The following MOV10L1 variants were observed in gnomAD, a reference collection of about 807,000 sequenced individuals.
MOV10L1 encodes the protein RNA helicase Mov10l1.
Under a neutral mutation model 143.8 loss-of-function variants are expected in MOV10L1, and 110 were observed. The ratio of observed to expected loss-of-function variants is 0.76; its 90% CI spans 0.66 to 0.90. The LOEUF is 0.90. Ranked by LOEUF, MOV10L1 falls within the 40% of genes least tolerant of loss-of-function variation. The probability of loss-of-function intolerance (pLI) is 0.00; values close to 1 mark genes in which losing one functional copy is unlikely to be tolerated. For missense variants in MOV10L1, 1,406 were observed against 1,526.8 expected, an observed-to-expected ratio of 0.92 and a Z score of 1.32; for synonymous variants, 593 against 581.1, an observed-to-expected ratio of 1.02 and a Z score of -0.29.
intron 19 of MOV10L1, among the ~76,000 whole-genome samples, chr22:50,147,959 T>C (rs2063196613): frequency 1.3e-5 from 2 of 152,212 alleles, no homozygotes; most frequent in Non-Finnish European, 2.9e-5. Context: ...ATGCAGGACA[T>C]GTTGGGCCCA....
chr22:50,134,565 C>G lies in MOV10L1; in HGVS notation c.2005C>G (p.Gln669Glu). 1 of 1,614,164 alleles carries G rather than the reference C, an allele frequency of 6.2e-7. No individual in the cohort carries two copies. The highest frequency in any genetic ancestry group is 8.5e-7 in the Non-Finnish European group (1 of 1,180,012). ...FPEEIILQSP[Q>E]VTGNWNHAQD... ...AGAAGAAATTATTTTACAGTCTCCA[C>G]AAGTGACGGGAAATTGGAACCATGC... is the stretch of plus-strand genomic sequence containing the variant. Residue 669 changes from glutamine (Q) to glutamate (E), a missense_variant, in exon 15 of 27, where the codon CAA becomes GAA. This residue lies in a region of MOV10L1 where 1,233 missense variants were observed against 1,351.4 expected (regional missense o/e 0.91). Coordinates refer to ENST00000262794, the MANE Select transcript of MOV10L1 (RefSeq NM_018995.3).
chr22:50,158,063 G>A lies in MOV10L1; in HGVS notation c.3073G>A (p.Glu1025Lys), dbSNP rs2063471489. The A allele has an allele frequency of 3.1e-6, 5 of 1,613,230 alleles. No homozygotes were observed. The highest frequency in any genetic ancestry group is 1.7e-5 in the Admixed American group (1 of 59,928). Residue 1025 changes from glutamate (E) to lysine (K), a missense_variant, in exon 23 of 27, where the codon GAG (glutamate) becomes AAG (lysine). This residue lies in a region of MOV10L1 where 1,233 missense variants were observed against 1,351.4 expected (regional missense o/e 0.91). Transcript: ENST00000262794. The surrounding 1 kb of genome is among the most constrained non-coding windows in gnomAD (Gnocchi z 5.0). ...TCTCTCCTCATCAACCCAGGGCAGC[G>A]AGGCACGGGAGGGAAAAAGCCCATC... ...PLIFHGVRGS[E>K]AREGKSPSWF... is the part of the protein sequence containing the mutation.
chr22:50,125,248 C>A (rs927423080), intron 10 of MOV10L1, 144 bp from the exon 11 acceptor site: 1 of 720,714 alleles, frequency 1.4e-6, no homozygotes, highest in East Asian at 2.7e-5. Context: ...CTTACTGAGG[C>A]ACCTGCAGAC....
chr22:50,091,549 C>T (rs1342595045), intron 1 of MOV10L1: 2 of 157,612 alleles, frequency 1.3e-5, no homozygotes, highest in African/African-American at 4.8e-5. Flanking sequence ...TTACATAGCA[C>T]TTAACGCGTG....
chr22:50,129,544 C>CAGTTACGAT, intron 13 of MOV10L1, among the ~76,000 whole-genome samples: 1 of 152,120 alleles, frequency 6.6e-6, no homozygotes, highest in Non-Finnish European at 1.5e-5. Flanking sequence ...TCATTGTTTG[C>CAGTTACGAT]TGTTACGATT....
intron 15 of MOV10L1, among the ~76,000 whole-genome samples, chr22:50,139,959 G>A (rs1005493271): frequency 3.9e-5 from 6 of 152,136 alleles, no homozygotes; most frequent in East Asian, 1.9e-4. Flanking sequence ...AGCTGGACGC[G>A]CACCTGCCAT....
chr22:50,105,417 C>T (rs4838831), intron 3 of MOV10L1, among the ~76,000 whole-genome samples: 1 of 152,076 alleles, frequency 6.6e-6, no homozygotes, highest in East Asian at 1.9e-4. Flanking sequence ...AGGGCTTCAT[C>T]GAAAGATTCT....
At chr22:50,110,286 A>G (rs2061987237) in intron 5 of MOV10L1, among the ~76,000 whole-genome samples, 1 of 151,452 alleles carries the variant, frequency 6.6e-6, no homozygotes, top group Non-Finnish European at 1.5e-5. Flanking sequence ...CATCTCTACT[A>G]AAAACACAAA....
chr22:50,091,935 G>A, intron 1 of MOV10L1, 66 bp from the exon 2 acceptor site: 5 of 1,494,438 alleles, frequency 3.3e-6, no homozygotes, highest in Non-Finnish European at 3.6e-6. Flanking sequence ...CCTTTCTCTG[G>A]TGGGGTTCAC....
intron 5 of MOV10L1, among the ~76,000 whole-genome samples, chr22:50,112,352 C>CT (rs2062047564): frequency 6.6e-6 from 1 of 152,200 alleles, no homozygotes. Context: ...CTCCCTATGT[C>CT]TGAGTCGGAC....
chr22:50,159,750 C>G lies in MOV10L1; in HGVS notation c.3289C>G (p.Gln1097Glu). Residue 1097 changes from glutamine to glutamate, a missense_variant, in exon 24 of 27, where the codon CAA (glutamine) becomes GAA (glutamate). By Grantham distance (29) the Gln-to-Glu change is conservative. This residue lies in a region of MOV10L1 where 1,233 missense variants were observed against 1,351.4 expected (regional missense o/e 0.91). Transcript: ENST00000262794. This position sits in a 1 kb window ranked among gnomAD's most constrained non-coding sequence, Gnocchi z 4.1. Reference protein sequence around the residue: ...DIKVGSVEEFQGQEYLVIIIS... With the variant: ...DIKVGSVEEFEGQEYLVIIIS... ...AAAGGTTGGATCAGTAGAGGAGTTTCAAGGACAAGAGTATCTGGTCATCAT... is the reference window on the plus strand; with the variant it reads ...AAAGGTTGGATCAGTAGAGGAGTTTGAAGGACAAGAGTATCTGGTCATCAT... 1 of 1,613,004 alleles carries G rather than the reference C, an allele frequency of 6.2e-7. No individual in the cohort carries two copies. Among genetic ancestry groups the G allele is most frequent in the South Asian group, 1.1e-5 (1 of 90,910 alleles).
intron 3 of MOV10L1, among the ~76,000 whole-genome samples, chr22:50,104,467 C>T (rs1000374033): frequency 2.0e-5 from 3 of 152,216 alleles, no homozygotes; most frequent in African/African-American, 4.8e-5. Context: ...CATGAGGCCA[C>T]GGCCCCTCAC....
At chr22:50,090,885 A>G (rs760636361) in intron 1 of MOV10L1, 105 of 267,896 alleles carry the variant, frequency 3.9e-4, no homozygotes, top group Middle Eastern at 1.5e-3. Context: ...CATGTTGGTC[A>G]GGCTGGTCTC....
Position 50,098,235 on chromosome 22 carries a change from TTAA to T in MOV10L1, c.283-1200_283-1198del, listed in dbSNP as rs990634843. Among the ~76,000 whole-genome samples the T allele has an allele frequency of 1.0e-4, 15 of 149,500 alleles. 1 individual carries two copies. The South Asian group carries it at 2.1e-3, about 21-fold the overall frequency. ...ATAATTAAGTATTAAGATTAACATCTTAATAATAATTATTAAGATTAACATCTT... is the reference window on the plus strand; with the variant it reads ...ATAATTAAGTATTAAGATTAACATCTTAATAATTATTAAGATTAACATCTT... On this transcript the variant is annotated intron_variant, in intron 2 of 26. Coordinates refer to ENST00000262794, the MANE Select transcript of MOV10L1 (RefSeq NM_018995.3).
chr22:50,140,623 T>A (rs1231021964), intron 15 of MOV10L1, among the ~76,000 whole-genome samples: 7 of 152,222 alleles, frequency 4.6e-5, no homozygotes, highest in African/African-American at 1.7e-4. Flanking sequence ...TTGTGTTGGG[T>A]TGCATTCAGA....
intron 1 of MOV10L1, chr22:50,090,678 G>C: frequency 1.6e-6 from 1 of 607,732 alleles, no homozygotes; most frequent in East Asian, 3.6e-5. Flanking sequence ...TGAGGTGTTT[G>C]TGTGTGTGTG....
intron 19 of MOV10L1, among the ~76,000 whole-genome samples, 165 bp downstream of exon 19, chr22:50,145,975 A>T (rs547932911): frequency 6.6e-6 from 1 of 151,988 alleles, no homozygotes; most frequent in African/African-American, 2.4e-5. Flanking sequence ...GCCTGAATGG[A>T]GCTGGGGAAG....
At position 50,153,640 on chromosome 22, in the gene MOV10L1, A is replaced by G. The variant is rs548660992; in HGVS notation, c.3066+422A>G. Among the ~76,000 whole-genome samples the G allele has an allele frequency of 2.6e-5, 4 of 152,320 alleles. No homozygotes were observed. In the South Asian group the frequency reaches 8.3e-4, roughly 32 times the overall value. On this transcript the variant is annotated intron_variant, in intron 22 of 26. Transcript: ENST00000262794. ...TGGAGCTGTCAGGAGAGAGCCCGGC[A>G]GGGAAGGCAGCAGCTGCGATCCCGA...
At chr22:50,107,316 C>T (rs2061899859) in intron 3 of MOV10L1, among the ~76,000 whole-genome samples, 2 of 152,084 alleles carry the variant, frequency 1.3e-5, no homozygotes, top group Non-Finnish European at 2.9e-5. Context: ...CCCGCCTCGG[C>T]CTCCCAAAGT....
Sources: gnomAD v4.1 joint callset for allele counts (sites outside exome capture counted in the v4.1 genomes callset) on GRCh38, gnomAD v4.1.1 for gene constraint, gnomAD v4.1.1 regional missense constraint, Gnocchi (gnomAD v3.1) non-coding constraint, MANE v1.5 for transcripts, NCBI Gene and HGNC (gene_info 2026-07-23, HGNC 2026-07-21) for gene names.